Variants in IL15 observed in about 807,000 individuals in gnomAD.
IL15 encodes the protein interleukin 15, also known as interleukin-15.
IL15 carries 11 observed loss-of-function variants against 19.6 expected under a neutral mutation model. That is an observed-to-expected ratio of 0.56 (90% CI 0.35 to 0.93). IL15 has a LOEUF of 0.93. Among genes scored for constraint, IL15 ranks in the 40% least tolerant of loss-of-function variants. The pLI is 0.01. For missense variants in IL15, 197 were observed against 186.5 expected, an observed-to-expected ratio of 1.06 and a Z score of -0.33; for synonymous variants, 58 against 59.6, an observed-to-expected ratio of 0.97 and a Z score of 0.12.
intron 5 of IL15, among the ~76,000 whole-genome samples, chr4:141,726,778 G>A (rs1429835919): frequency 1.3e-5 from 2 of 152,136 alleles, no homozygotes; most frequent in South Asian, 2.1e-4. Context: ...ATACCCACAA[G>A]TTAGGTGGAT....
intron 6 of IL15, 135 bp downstream of exon 6, chr4:141,728,119 T>A: frequency 1.8e-6 from 1 of 544,056 alleles, no homozygotes; most frequent in African/African-American, 2.0e-5. Context: ...GGTCAATGAG[T>A]TTTATTAGTG....
intron 2 of IL15, among the ~76,000 whole-genome samples, chr4:141,693,030 A>AAAAAAG (rs1728971675): frequency 6.8e-6 from 1 of 146,826 alleles, no homozygotes; most frequent in Non-Finnish European, 1.5e-5. Context: ...AAAAAAAAAA[A>AAAAAAG]AAAAAAAAAA....
At chr4:141,650,336 C>T (rs189845668) in intron 1 of IL15, among the ~76,000 whole-genome samples, 2 of 151,990 alleles carry the variant, frequency 1.3e-5, no homozygotes, top group Non-Finnish European at 2.9e-5. Flanking sequence ...TAGATCTAAG[C>T]TGTGAGATGA....
In IL15 at chr4:141,693,016, C is replaced by CAAAAAAAAAAAA. The variant is rs70949131; in HGVS notation, c.-99-26335_-99-26324dup. Among the ~76,000 whole-genome samples, 126 of 23,230 alleles carry CAAAAAAAAAAAA rather than the reference C, an allele frequency of 5.4e-3. 29 individuals are homozygous for CAAAAAAAAAAAA. The highest frequency in any genetic ancestry group is 0.016 in the African/African-American group (104 of 6,306). The allele number at this position is 23,230 out of a possible 152,430, so 15.2% of individuals were successfully genotyped here. ...AGGGGAACAGAGCAAGACTCCGTCTCAAAAAAAAAAAAAAAAAAAAAAAAA... is the reference window on the plus strand; with the variant it reads ...AGGGGAACAGAGCAAGACTCCGTCTCAAAAAAAAAAAAAAAAAAAAAAAAAAAAAAAAAAAAA... On this transcript the variant is annotated intron_variant, in intron 2 of 7. Coordinates refer to ENST00000320650, the MANE Select transcript of IL15 (RefSeq NM_000585.5).
Position 141,726,583 on chromosome 4 carries a change from T to C in IL15, c.196-1357T>C, listed in dbSNP as rs181221938. 1.4e-3 allele frequency among the ~76,000 whole-genome samples: 215 copies of C among 152,282 alleles called. 2 individuals carry two copies. Among genetic ancestry groups the C allele is most frequent in the African/African-American group, 5.1e-3 (210 of 41,568 alleles). On this transcript the variant is annotated intron_variant, in intron 5 of 7. Coordinates refer to ENST00000320650, the MANE Select transcript of IL15 (RefSeq NM_000585.5). ...ATGCATTTGCCTTACAATCCAACAA[T>C]TGTGCTCTTAGACATTCATCCTTGA...
intron 2 of IL15, chr4:141,688,835 C>G (rs1357807439): frequency 6.3e-6 from 1 of 158,232 alleles, no homozygotes; most frequent in Non-Finnish European, 1.4e-5. Context: ...CAACTAGTGG[C>G]CCCACTGTGT....
At chr4:141,732,679 TG>T (rs1402391648) in intron 7 of IL15, 58 bp from the exon 8 acceptor site, 2 of 1,584,898 alleles carry the variant, frequency 1.3e-6, no homozygotes, top group Non-Finnish European at 1.7e-6. Context: ...CCCATTCCCA[TG>T]AATGTATATT....
intron 2 of IL15, among the ~76,000 whole-genome samples, chr4:141,682,096 G>A (rs945253428): frequency 1.3e-5 from 2 of 152,134 alleles, no homozygotes; most frequent in African/African-American, 2.4e-5. Flanking sequence ...GATCATTAAT[G>A]TAACCTTTTG....
chr4:141,638,223 G>T (rs979291734), intron 1 of IL15, among the ~76,000 whole-genome samples: 11 of 152,162 alleles, frequency 7.2e-5, no homozygotes, highest in African/African-American at 2.7e-4. Context: ...TACAGCAAAA[G>T]CCATTTAGAT....
chr4:141,657,849 T>A, intron 2 of IL15, among the ~76,000 whole-genome samples: 1 of 152,268 alleles, frequency 6.6e-6, no homozygotes, highest in East Asian at 1.9e-4. Flanking sequence ...GTAAAAGGAG[T>A]ACACCATACA....
At chr4:141,713,268 G>A (rs1729767986) in intron 2 of IL15, among the ~76,000 whole-genome samples, 1 of 152,160 alleles carries the variant, frequency 6.6e-6, no homozygotes, top group Non-Finnish European at 1.5e-5. Flanking sequence ...ACTTAAATTA[G>A]GACTGAAGAG....
At chr4:141,699,395 C>T (rs1463107890) in intron 2 of IL15, among the ~76,000 whole-genome samples, 1 of 152,170 alleles carries the variant, frequency 6.6e-6, no homozygotes, top group Non-Finnish European at 1.5e-5. Flanking sequence ...GACTTTCTAA[C>T]TTCATGATCG....
intron 4 of IL15, chr4:141,721,152 G>A (rs1469961507): frequency 7.3e-7 from 1 of 1,370,696 alleles, no homozygotes; most frequent in African/African-American, 1.4e-5. Context: ...TGCCTTCATG[G>A]TATTGGGAAC....
intron 1 of IL15, among the ~76,000 whole-genome samples, chr4:141,637,862 A>G (rs1490792840): frequency 1.3e-5 from 2 of 152,332 alleles, no homozygotes; most frequent in Non-Finnish European, 1.5e-5. Flanking sequence ...GAAAGAGGCC[A>G]TATTAGCTAG....
intron 5 of IL15, among the ~76,000 whole-genome samples, chr4:141,726,755 G>A (rs1211105214): frequency 6.6e-6 from 1 of 152,078 alleles, no homozygotes; most frequent in Non-Finnish European, 1.5e-5. Context: ...CAATAAAAAG[G>A]AACAAACTAG....
At chr4:141,716,113 C>T (rs1729874936) in intron 2 of IL15, 1 of 152,244 alleles carries the variant, frequency 6.6e-6, no homozygotes, top group Non-Finnish European at 1.5e-5. Context: ...TATGTATTTT[C>T]CCTGGGCAGT....
intron 2 of IL15, among the ~76,000 whole-genome samples, chr4:141,660,329 T>G (rs1022351334): frequency 6.6e-6 from 1 of 152,178 alleles, no homozygotes. Flanking sequence ...CAGTGCATGC[T>G]TTCACTCAAG....
At chr4:141,662,627 G>A (rs1727831166) in intron 2 of IL15, among the ~76,000 whole-genome samples, 2 of 152,106 alleles carry the variant, frequency 1.3e-5, no homozygotes, top group South Asian at 4.1e-4. Flanking sequence ...AATTCAGCCT[G>A]ACAATCTTAG....
intron 1 of IL15, among the ~76,000 whole-genome samples, chr4:141,647,957 G>C (rs931385826): frequency 6.6e-6 from 1 of 152,064 alleles, no homozygotes. Flanking sequence ...TGATGGTGGA[G>C]TTGGAAGGGC....
Sources: gnomAD v4.1 joint callset for allele counts (sites outside exome capture counted in the v4.1 genomes callset) on GRCh38, gnomAD v4.1.1 for gene constraint, MANE v1.5 for transcripts, NCBI Gene and HGNC (gene_info 2026-07-23, HGNC 2026-07-21) for gene names.